OR6N1: variants seen among roughly 807,000 people sequenced by gnomAD.
OR6N1 encodes olfactory receptor family 6 subfamily N member 1.
For synonymous variants in OR6N1, 170 were observed against 150.7 expected (o/e 1.13, Z -0.94); for missense variants, 394 against 371.7 (o/e 1.06, Z -0.49).
At chr1:158,777,663 G>C in the OR6N1 span, 18 of 1,433,226 alleles carry the variant, frequency 1.3e-5, no homozygotes, top group Non-Finnish European at 1.6e-5. Flanking sequence ...AAGGAAAGAA[G>C]AAAACATTGG....
chr1:158,812,824 G>A, the OR6N1 span, among the ~76,000 whole-genome samples: 1 of 152,092 alleles, frequency 6.6e-6, no homozygotes. Context: ...ACTGTGAGAA[G>A]AGTAAATCTC....
the OR6N1 span, among the ~76,000 whole-genome samples, chr1:158,780,691 A>G: frequency 2.0e-5 from 3 of 152,184 alleles, no homozygotes; most frequent in Middle Eastern, 3.2e-3. Flanking sequence ...TTGAATATGT[A>G]TTGCTTTCAT....
At chr1:158,839,379 C>G in the OR6N1 span, among the ~76,000 whole-genome samples, 1 of 152,184 alleles carries the variant, frequency 6.6e-6, no homozygotes, top group South Asian at 2.1e-4. Flanking sequence ...ACACCTGCCT[C>G]TTTTCATGAC....
chr1:158,828,534 G>C, the OR6N1 span, among the ~76,000 whole-genome samples: 1 of 152,210 alleles, frequency 6.6e-6, no homozygotes, highest in African/African-American at 2.4e-5. Flanking sequence ...CAAGAGGTAG[G>C]TTCCCATAGT....
the OR6N1 span, among the ~76,000 whole-genome samples, chr1:158,836,873 T>C: frequency 1.3e-5 from 2 of 151,838 alleles, no homozygotes; most frequent in African/African-American, 2.4e-5. Context: ...CTCATCACCA[T>C]ATTCTTTGCA....
At chr1:158,839,207 G>A in the OR6N1 span, among the ~76,000 whole-genome samples, 1 of 152,074 alleles carries the variant, frequency 6.6e-6, no homozygotes, top group African/African-American at 2.4e-5. Context: ...TTGTTAACTG[G>A]CACCATATTC....
the OR6N1 span, among the ~76,000 whole-genome samples, chr1:158,790,519 C>T: frequency 6.6e-6 from 1 of 151,882 alleles, no homozygotes; most frequent in South Asian, 2.1e-4. Flanking sequence ...ATTCTCCTGC[C>T]TCAGCCTCCC....
chr1:158,823,636 C>T, the OR6N1 span, among the ~76,000 whole-genome samples: 2 of 151,120 alleles, frequency 1.3e-5, no homozygotes, highest in African/African-American at 4.9e-5. Flanking sequence ...AATCTATCTA[C>T]ATTATTTATT....
chr1:158,815,539 C>G, the OR6N1 span, among the ~76,000 whole-genome samples: 1 of 152,090 alleles, frequency 6.6e-6, no homozygotes, highest in Admixed American at 6.5e-5. Context: ...ACAGGATGCT[C>G]CAGGGTCACT....
the OR6N1 span, among the ~76,000 whole-genome samples, chr1:158,800,058 A>T: frequency 1.1e-4 from 16 of 152,152 alleles, no homozygotes; most frequent in African/African-American, 3.4e-4. Context: ...GTCTGTTTCT[A>T]AGTTGCCATG....
At chr1:158,777,603 T>C in the OR6N1 span, 2 of 1,613,646 alleles carry the variant, frequency 1.2e-6, no homozygotes, top group Non-Finnish European at 8.5e-7. Flanking sequence ...GGAACACAAA[T>C]TCAGCCAGGC....
chr1:158,822,631 G>A, the OR6N1 span, among the ~76,000 whole-genome samples: 23,977 of 152,088 alleles, frequency 0.16, 2,295 homozygotes, highest in Admixed American at 0.26. Context: ...GGTTCTCTAC[G>A]TATACAATCA....
At chr1:158,785,332 T>C in the OR6N1 span, among the ~76,000 whole-genome samples, 1 of 152,198 alleles carries the variant, frequency 6.6e-6, no homozygotes, top group Non-Finnish European at 1.5e-5. Flanking sequence ...CCTTCTTATG[T>C]ATTAAACTAT....
the OR6N1 span, among the ~76,000 whole-genome samples, chr1:158,801,309 C>T: frequency 6.6e-6 from 1 of 152,016 alleles, no homozygotes; most frequent in East Asian, 1.9e-4. Context: ...TTTTCCCACC[C>T]ACCTTGCCAG....
the OR6N1 span, among the ~76,000 whole-genome samples, chr1:158,779,949 A>C: frequency 6.6e-6 from 1 of 152,214 alleles, no homozygotes; most frequent in Non-Finnish European, 1.5e-5. Flanking sequence ...ATTAATTATT[A>C]TATATTTCCC....
chr1:158,804,802 T>A, the OR6N1 span, among the ~76,000 whole-genome samples: 1 of 152,174 alleles, frequency 6.6e-6, no homozygotes, highest in Admixed American at 6.5e-5. Flanking sequence ...AATTCATTTA[T>A]CTATTTATTT....
At chr1:158,814,772 C>T in the OR6N1 span, among the ~76,000 whole-genome samples, 1 of 152,116 alleles carries the variant, frequency 6.6e-6, no homozygotes, top group African/African-American at 2.4e-5. Context: ...GCTATAGGAA[C>T]ATAAATATTT....
At chr1:158,775,572 C>T (rs961521768), upstream of OR6N1, 3 of 152,070 alleles carry the variant, frequency 2.0e-5, no homozygotes, top group Non-Finnish European at 4.4e-5. Context: ...ATTTCAAATA[C>T]ATTACTTTAT....
chr1:158,834,440 T>A, the OR6N1 span, among the ~76,000 whole-genome samples: 2 of 151,988 alleles, frequency 1.3e-5, no homozygotes, highest in East Asian at 1.9e-4. Flanking sequence ...ACCGTGTTTA[T>A]CAATTTTTAT....
Sources: gnomAD v4.1 joint callset for allele counts (sites outside exome capture counted in the v4.1 genomes callset) on GRCh38, gnomAD v4.1.1 for gene constraint, MANE v1.5 for transcripts, NCBI Gene and HGNC (gene_info 2026-07-23, HGNC 2026-07-21) for gene names.